The following ZDHHC15 variants were observed in gnomAD, a reference collection of about 807,000 sequenced individuals.
ZDHHC15 encodes zDHHC palmitoyltransferase 15.
In ZDHHC15, 19 loss-of-function variants were observed where a neutral mutation model predicts 31.7. That is an observed-to-expected ratio of 0.60 (90% CI 0.42 to 0.88). The LOEUF (loss-of-function observed/expected upper bound fraction) is 0.88, where lower values mean the gene tolerates loss of function less well. Ranked by LOEUF, ZDHHC15 falls within the 40% of genes least tolerant of loss-of-function variation. ZDHHC15 has a pLI of 0.00. For missense variants in ZDHHC15, 209 were observed against 251.2 expected, an observed-to-expected ratio of 0.83 and a Z score of 1.14; for synonymous variants, 103 against 90.0, an observed-to-expected ratio of 1.14 and a Z score of -0.82.
In ZDHHC15 at chrX:75,369,349, A is replaced by C. The variant is rs1470725158; in HGVS notation, c.*3629T>G. 1 of 106,403 alleles carries C rather than the reference A, an allele frequency of 9.4e-6. No homozygotes were observed. The highest frequency in any genetic ancestry group is 3.6e-5 in the African/African-American group (1 of 27,913). The allele number at this position is 106,403 out of a possible 1,213,427, so 8.8% of individuals were successfully genotyped here. ...TGTGTGTGTGTGTGTGTGTGTGTAC[A>C]TGTGCATACATGTATGTAGATATGT... On this transcript the variant is annotated 3_prime_UTR_variant, in exon 12 of 12. Transcript: ENST00000373367.
intron 10 of ZDHHC15, among the ~76,000 whole-genome samples, chrX:75,403,188 T>G (rs1382703998): frequency 8.9e-6 from 1 of 111,885 alleles, no homozygotes; most frequent in Non-Finnish European, 1.9e-5. Flanking sequence ...AAATTCAACA[T>G]CCCTTCATGT....
intron 10 of ZDHHC15, among the ~76,000 whole-genome samples, chrX:75,407,939 CTG>C (rs757074843): frequency 1.3e-4 from 14 of 111,463 alleles, no homozygotes. Flanking sequence ...GAAACATGTG[CTG>C]TGTCCACTCA....
At chrX:75,415,097 G>T (rs1287570976) in intron 10 of ZDHHC15, among the ~76,000 whole-genome samples, 1 of 111,406 alleles carries the variant, frequency 9.0e-6, no homozygotes, top group Non-Finnish European at 1.9e-5. Flanking sequence ...TATACTAAAT[G>T]AAATGTTATA....
Position 75,478,954 on chromosome X carries a change from A to G in ZDHHC15, c.195T>C (p.Phe65=). The G allele has an allele frequency of 8.3e-7, 1 of 1,205,152 alleles. No individual in the cohort carries two copies. The highest frequency in any genetic ancestry group is 1.1e-6 in the Non-Finnish European group (1 of 891,361). Reference sequence around the variant, plus strand: ...TCCAGTAGGTCCAGGTAAAGAACACAAAGATGGCATGGTAGAGTATGAGGT... The same window carrying G: ...TCCAGTAGGTCCAGGTAAAGAACACGAAGATGGCATGGTAGAGTATGAGGT... ...VIYLILYHAI[F]VFFTWTYWKS... The change falls in exon 3 of 12, where the codon TTT becomes TTC. Residue 65 remains phenylalanine, a synonymous_variant. Coordinates refer to ENST00000373367, the MANE Select transcript of ZDHHC15 (RefSeq NM_144969.3).
chrX:75,495,592 C>T (rs1214646308), intron 2 of ZDHHC15, among the ~76,000 whole-genome samples: 4 of 110,396 alleles, frequency 3.6e-5, no homozygotes, highest in South Asian at 3.9e-4. Flanking sequence ...CATGGAATAC[C>T]ATGCAGCCAT....
chrX:75,402,358 C>T (rs2083367021), intron 10 of ZDHHC15, among the ~76,000 whole-genome samples: 1 of 110,759 alleles, frequency 9.0e-6, no homozygotes, highest in African/African-American at 3.3e-5. Context: ...AAATAAACCC[C>T]AAATGCTAGC....
intron 4 of ZDHHC15, among the ~76,000 whole-genome samples, chrX:75,437,915 C>T (rs2083885571): frequency 9.1e-6 from 1 of 110,368 alleles, no homozygotes; most frequent in African/African-American, 3.3e-5. Context: ...CTACAAAGAA[C>T]TCAAACAAAT....
rs769651238 is a variant in ZDHHC15 at position 75,417,076 on chromosome X, A to T, written c.967+11T>A. 2 of 1,181,572 alleles carry T rather than the reference A, an allele frequency of 1.7e-6. No homozygotes were observed. The highest frequency in any genetic ancestry group is 3.5e-5 in the African/African-American group (2 of 56,355). ...ATTAATGTGGACTTCATAGTCTTTG[A>T]CCCCACTTACCTTGGTTGTCATCCT... On this transcript the variant is annotated intron_variant, in intron 10 of 11. Coordinates refer to ENST00000373367, the MANE Select transcript of ZDHHC15 (RefSeq NM_144969.3).
chrX:75,372,995 T>G (rs2083017684), intron 11 of ZDHHC15, 50 bp from the exon 12 acceptor site: 1 of 111,930 alleles, frequency 8.9e-6, no homozygotes, highest in African/African-American at 3.2e-5. Context: ...ACTGTAAATA[T>G]TCATGTGGTA....
chrX:75,511,588 C>T (rs529233968), intron 1 of ZDHHC15, among the ~76,000 whole-genome samples: 1 of 98,960 alleles, frequency 1.0e-5, no homozygotes, highest in East Asian at 3.3e-4. Flanking sequence ...TTAATTAGAT[C>T]CCATTTGTCA....
At chrX:75,494,276 A>G (rs1200030892) in intron 2 of ZDHHC15, among the ~76,000 whole-genome samples, 20 of 111,541 alleles carry the variant, frequency 1.8e-4, no homozygotes, top group Admixed American at 1.9e-4. Context: ...GCTCAATGAA[A>G]TAAAAGAGGA....
At position 75,435,447 on chromosome X, in the gene ZDHHC15, T is replaced by C. The variant is rs1192256530; in HGVS notation, c.380-3927A>G. Among the ~76,000 whole-genome samples, 3 of 112,212 alleles carry C rather than the reference T, an allele frequency of 2.7e-5. No homozygotes were observed. In the Admixed American group the frequency reaches 2.8e-4, roughly 11 times the overall value. On this transcript the variant is annotated intron_variant, in intron 4 of 11. Transcript: ENST00000373367. ...TTCTCAGGAACAATGCTTTCAACTT[T>C]TCCCCATTCAGTATAATTTAGCTGT...
chrX:75,503,581 A>G (rs2085117547), intron 2 of ZDHHC15, among the ~76,000 whole-genome samples: 1 of 111,297 alleles, frequency 9.0e-6, no homozygotes, highest in Admixed American at 9.7e-5. Context: ...AAACTTAGAG[A>G]AGTTAAGTTC....
At chrX:75,454,117 C>T (rs945185198) in intron 3 of ZDHHC15, among the ~76,000 whole-genome samples, 1 of 111,674 alleles carries the variant, frequency 9.0e-6, no homozygotes, top group African/African-American at 3.3e-5. Context: ...TTGCAGATGA[C>T]ATGATTGTAT....
intron 3 of ZDHHC15, among the ~76,000 whole-genome samples, chrX:75,459,751 G>C (rs2084282835): frequency 8.9e-6 from 1 of 112,331 alleles, no homozygotes; most frequent in Admixed American, 9.4e-5. Flanking sequence ...GTTTTAGAGA[G>C]TGAAAATTGT....
At chrX:75,460,885 T>C (rs2084302937) in intron 3 of ZDHHC15, among the ~76,000 whole-genome samples, 1 of 111,966 alleles carries the variant, frequency 8.9e-6, no homozygotes. Context: ...CTCTATTCCT[T>C]CAAATGAATG....
intron 2 of ZDHHC15, among the ~76,000 whole-genome samples, chrX:75,496,306 C>T (rs1038666790): frequency 9.0e-6 from 1 of 111,187 alleles, no homozygotes; most frequent in Non-Finnish European, 1.9e-5. Flanking sequence ...GAAAATGTAG[C>T]AATCCTAAAT....
intron 10 of ZDHHC15, among the ~76,000 whole-genome samples, chrX:75,381,706 C>T (rs961780186): frequency 8.9e-6 from 1 of 111,741 alleles, no homozygotes; most frequent in Non-Finnish European, 1.9e-5. Flanking sequence ...CCCACAACCA[C>T]AATGTCCACC....
At chrX:75,428,722 G>T (rs1037666181) in intron 7 of ZDHHC15, among the ~76,000 whole-genome samples, 2 of 111,755 alleles carry the variant, frequency 1.8e-5, no homozygotes, top group Non-Finnish European at 3.8e-5. Flanking sequence ...GGAAACTAGG[G>T]ATTTAAAATT....
Sources: gnomAD v4.1 joint callset for allele counts (sites outside exome capture counted in the v4.1 genomes callset) on GRCh38, gnomAD v4.1.1 for gene constraint, MANE v1.5 for transcripts, NCBI Gene and HGNC (gene_info 2026-07-23, HGNC 2026-07-21) for gene names.